ZC3HC1: variants seen among roughly 807,000 people sequenced by gnomAD.
The protein encoded by ZC3HC1 is zinc finger C3HC-type protein 1.
A neutral mutation model predicts 61.9 loss-of-function variants in ZC3HC1; 38 were observed. The ratio of observed to expected loss-of-function variants is 0.61; its 90% CI spans 0.47 to 0.81. The LOEUF (loss-of-function observed/expected upper bound fraction) is 0.81, where lower values mean the gene tolerates loss of function less well. ZC3HC1 is among the 30% of genes least tolerant of loss of function. The pLI is 0.00. For missense variants in ZC3HC1, 554 were observed against 622.7 expected, an observed-to-expected ratio of 0.89 and a Z score of 1.17; for synonymous variants, 213 against 229.9, an observed-to-expected ratio of 0.93 and a Z score of 0.67.
chr7:130,051,133 C>T, intron 1 of ZC3HC1, 88 bp downstream of exon 1: 1 of 1,490,248 alleles, frequency 6.7e-7, no homozygotes, highest in Non-Finnish European at 8.9e-7. Context: ...AGTCGCCGAC[C>T]GAGGGGAACC....
chr7:130,034,484 CAAAAAAAAAAAAAAAA>C (rs35780865), intron 4 of ZC3HC1, among the ~76,000 whole-genome samples: 3 of 62,274 alleles, frequency 4.8e-5, no homozygotes, highest in Admixed American at 4.9e-4. Context: ...GACTCCGTCT[CAAAAAAAAAAAAAAAA>C]AAAAAAAAAA....
chr7:130,027,890 C>T (rs925485089), intron 5 of ZC3HC1, among the ~76,000 whole-genome samples: 3 of 149,776 alleles, frequency 2.0e-5, no homozygotes, highest in Admixed American at 6.7e-5. Context: ...AAATGATGGC[C>T]GGGTGTGGTG....
At chr7:130,045,403 G>A in intron 2 of ZC3HC1, 2 of 448,640 alleles carry the variant, frequency 4.5e-6, no homozygotes, top group Admixed American at 4.8e-5. Flanking sequence ...TCCGCCTTCA[G>A]TCTCTGCTCC....
At chr7:130,019,823 T>G (rs1026541457) in intron 9 of ZC3HC1, among the ~76,000 whole-genome samples, 6 of 144,234 alleles carry the variant, frequency 4.2e-5, no homozygotes, top group African/African-American at 1.3e-4. Flanking sequence ...TTTTTTTTTT[T>G]TTTTTTTTTT....
intron 4 of ZC3HC1, among the ~76,000 whole-genome samples, chr7:130,035,208 G>A (rs1283086686): frequency 6.6e-6 from 1 of 151,994 alleles, no homozygotes; most frequent in Non-Finnish European, 1.5e-5. Flanking sequence ...TGGCTAATAT[G>A]GTGAAACCCC....
intron 6 of ZC3HC1, among the ~76,000 whole-genome samples, chr7:130,025,418 G>T (rs1374628331): frequency 6.6e-6 from 1 of 151,716 alleles, no homozygotes. Flanking sequence ...GGGCCTAGAA[G>T]ACTCCAGCTG....
At chr7:130,044,025 T>C in intron 2 of ZC3HC1, 1 of 357,618 alleles carries the variant, frequency 2.8e-6, no homozygotes, top group South Asian at 2.2e-5. Context: ...TTTTAAAATA[T>C]AGAGAGAAAT....
At chr7:130,022,569 T>C (rs1300957432) in intron 8 of ZC3HC1, 44 bp from the exon 9 acceptor site, 10 of 1,605,106 alleles carry the variant, frequency 6.2e-6, no homozygotes, top group African/African-American at 1.3e-5. Context: ...GTAGATGCTA[T>C]GTAAGTTCAG....
Position 130,023,853 on chromosome 7 carries a change from G to A in ZC3HC1, c.1021-130C>T, listed in dbSNP as rs1793764086. ...CTCGCTTTGTTGCCAAGGCTGGAGA[G>A]CAGTGAGGCGATCTTGGCTCATGGC... On this transcript the variant is annotated intron_variant, in intron 7 of 9. Coordinates refer to ENST00000358303, the MANE Select transcript of ZC3HC1 (RefSeq NM_016478.5). This position sits in a 1 kb window ranked among gnomAD's most constrained non-coding sequence, Gnocchi z 4.2. 8 of 846,066 alleles carry A rather than the reference G, an allele frequency of 9.5e-6. 1 individual carries two copies. The South Asian group carries it at 1.3e-4, about 14-fold the overall frequency. The allele number at this position is 846,066 out of a possible 1,614,324, so 52.4% of individuals were successfully genotyped here.
intron 2 of ZC3HC1, among the ~76,000 whole-genome samples, chr7:130,041,541 T>TC (rs398006286): frequency 3.3e-5 from 5 of 150,640 alleles, no homozygotes; most frequent in Non-Finnish European, 7.4e-5. Context: ...TTTTTTTTTT[T>TC]CAAGACAGAG....
chr7:130,046,338 G>A (rs535824220), intron 2 of ZC3HC1, among the ~76,000 whole-genome samples: 19 of 152,298 alleles, frequency 1.2e-4, no homozygotes. Flanking sequence ...CAGGCATGGT[G>A]GCTCATGCCT....
chr7:130,041,131 A>AAT (rs375888799), intron 2 of ZC3HC1, 30 bp from the exon 3 acceptor site: 6,701 of 1,276,174 alleles, frequency 5.3e-3, no homozygotes, highest in African/African-American at 7.5e-3. Flanking sequence ...CAACACAGCA[A>AAT]ATATATATAT....
At chr7:130,040,537 G>T (rs182430274) in intron 3 of ZC3HC1, among the ~76,000 whole-genome samples, 2 of 149,656 alleles carry the variant, frequency 1.3e-5, no homozygotes, top group Non-Finnish European at 3.0e-5. Context: ...CAGGCACTAT[G>T]GCTTACCCCT....
intron 6 of ZC3HC1, among the ~76,000 whole-genome samples, chr7:130,024,859 C>CAAT (rs1453824069): frequency 1.5e-5 from 2 of 136,200 alleles, no homozygotes; most frequent in Admixed American, 1.5e-4. Flanking sequence ...GCCTGACCAA[C>CAAT]AACAACAACA....
intron 2 of ZC3HC1, among the ~76,000 whole-genome samples, chr7:130,041,947 A>C (rs1435274382): frequency 6.6e-6 from 1 of 152,210 alleles, no homozygotes; most frequent in African/African-American, 2.4e-5. Context: ...CATTTAAGTA[A>C]TAAGTGGAGG....
At chr7:130,019,157 C>A (rs1793509581) in intron 9 of ZC3HC1, among the ~76,000 whole-genome samples, 4 of 151,770 alleles carry the variant, frequency 2.6e-5, no homozygotes, top group Admixed American at 2.6e-4. Flanking sequence ...GGGTTCACGC[C>A]ATTCTCCTGC....
intron 9 of ZC3HC1, among the ~76,000 whole-genome samples, chr7:130,019,743 A>C (rs1216969563): frequency 1.3e-5 from 2 of 150,166 alleles, no homozygotes; most frequent in Non-Finnish European, 3.0e-5. Flanking sequence ...TCTCAGTGAG[A>C]GTACAAAGAA....
intron 2 of ZC3HC1, chr7:130,043,545 G>A (rs1794758837): frequency 5.7e-6 from 1 of 174,770 alleles, no homozygotes; most frequent in Non-Finnish European, 1.2e-5. Flanking sequence ...TATAGCCAAT[G>A]AACAAAAAGG....
intron 4 of ZC3HC1, among the ~76,000 whole-genome samples, chr7:130,030,146 A>G (rs1794109825): frequency 1.3e-5 from 2 of 151,176 alleles, no homozygotes; most frequent in South Asian, 4.2e-4. Flanking sequence ...CTTCCTAAAG[A>G]GGTCAGTCTA....
Sources: gnomAD v4.1 joint callset for allele counts (sites outside exome capture counted in the v4.1 genomes callset) on GRCh38, gnomAD v4.1.1 for gene constraint, Gnocchi (gnomAD v3.1) non-coding constraint, MANE v1.5 for transcripts, NCBI Gene and HGNC (gene_info 2026-07-23, HGNC 2026-07-21) for gene names.